Variants in PTPRA observed in about 807,000 individuals in gnomAD.
PTPRA encodes the protein receptor-type tyrosine-protein phosphatase alpha.
A neutral mutation model predicts 104.8 loss-of-function variants in PTPRA; 25 were observed. The ratio of observed to expected loss-of-function variants is 0.24; its 90% CI spans 0.17 to 0.33. The LOEUF (loss-of-function observed/expected upper bound fraction) is 0.33, where lower values mean the gene tolerates loss of function less well. Ranked by LOEUF, PTPRA falls within the 10% of genes least tolerant of loss-of-function variation. The pLI is 1.00. For synonymous variants in PTPRA, 323 were observed against 368.9 expected, an observed-to-expected ratio of 0.88 and a Z score of 1.43; for missense variants, 765 against 1,015.3, an observed-to-expected ratio of 0.75 and a Z score of 3.35.
intron 1 of PTPRA, among the ~76,000 whole-genome samples, chr20:2,882,760 G>T (rs1201998724): frequency 6.6e-6 from 1 of 152,110 alleles, no homozygotes; most frequent in African/African-American, 2.4e-5. Flanking sequence ...TAAATTAATG[G>T]AACAGCTGCT....
the PTPRA span, among the ~76,000 whole-genome samples, chr20:2,865,662 T>A: frequency 6.6e-6 from 1 of 152,304 alleles, no homozygotes; most frequent in Non-Finnish European, 1.5e-5. This position sits in a 1 kb window ranked among gnomAD's most constrained non-coding sequence, Gnocchi z 5.2. Flanking sequence ...TCATCTGCTG[T>A]GTTGGGTGCA....
chr20:2,951,860 G>T (rs2061364559), intron 3 of PTPRA, among the ~76,000 whole-genome samples: 1 of 152,120 alleles, frequency 6.6e-6, no homozygotes, highest in South Asian at 2.1e-4. Context: ...CTGTTTTAAG[G>T]CTGGGCGCGG....
At chr20:3,011,944 G>A (rs530997029) in intron 11 of PTPRA, among the ~76,000 whole-genome samples, 2 of 152,314 alleles carry the variant, frequency 1.3e-5, no homozygotes, top group African/African-American at 4.8e-5. Context: ...CTTGCCCAAA[G>A]ACCAGATTTC....
intron 5 of PTPRA, among the ~76,000 whole-genome samples, chr20:2,968,124 C>T (rs944517863): frequency 6.6e-6 from 1 of 152,150 alleles, no homozygotes; most frequent in Non-Finnish European, 1.5e-5. Context: ...TCCTTTTTGT[C>T]TTCTCATCAT....
In PTPRA at chr20:3,022,256, C is replaced by T; in HGVS notation, c.1328+36C>T. 1.2e-6 allele frequency: 2 copies of T among 1,607,300 alleles called. No homozygotes were observed. Among genetic ancestry groups the T allele is most frequent in the Non-Finnish European group, 1.7e-6 (2 of 1,175,400 alleles). ...CCTGACCCTTGTACCCCCACCCCCA[C>T]ATTTCGCCCCCATGGCCAGAGCAGG... On this transcript the variant is annotated intron_variant, in intron 15 of 23. Transcript: ENST00000399903. This position sits in a 1 kb window ranked among gnomAD's most constrained non-coding sequence, Gnocchi z 4.6.
intron 13 of PTPRA, among the ~76,000 whole-genome samples, chr20:3,018,232 TTTTG>T (rs1365968365): frequency 1.3e-5 from 2 of 152,050 alleles, no homozygotes; most frequent in South Asian, 2.1e-4. Flanking sequence ...TTTTGTTTTG[TTTTG>T]TTTTTTTATT....
chr20:2,870,287 G>C (rs1202415120), upstream of PTPRA, among the ~76,000 whole-genome samples: 1 of 152,070 alleles, frequency 6.6e-6, no homozygotes, highest in Admixed American at 6.5e-5. Context: ...AGAATCGCTT[G>C]AACCCGGGAG....
chr20:2,887,208 A>G (rs1321381694), intron 1 of PTPRA, among the ~76,000 whole-genome samples: 1 of 152,206 alleles, frequency 6.6e-6, no homozygotes, highest in Non-Finnish European at 1.5e-5. Context: ...TTACTATTTT[A>G]ATTGATGGAA....
intron 4 of PTPRA, 124 bp from the exon 5 acceptor site, chr20:2,964,737 G>C: frequency 1.2e-6 from 1 of 826,088 alleles, no homozygotes; most frequent in Non-Finnish European, 1.9e-6. Flanking sequence ...TGGTGTTGAG[G>C]GGGATTGGTC....
At chr20:2,951,688 C>A (rs2061359021) in intron 3 of PTPRA, among the ~76,000 whole-genome samples, 2 of 152,196 alleles carry the variant, frequency 1.3e-5, no homozygotes, top group African/African-American at 4.8e-5. Context: ...ATGTTTTCAT[C>A]CCATTCCATT....
In PTPRA at chr20:3,037,345, G is replaced by T; in HGVS notation, c.2334+56G>T. 6.3e-7 allele frequency: 1 copy of T among 1,599,532 alleles called. No individual in the cohort carries two copies. On this transcript the variant is annotated intron_variant, in intron 23 of 23. Coordinates refer to ENST00000399903, the MANE Select transcript of PTPRA (RefSeq NM_001385305.1). This position sits in a 1 kb window ranked among gnomAD's most constrained non-coding sequence, Gnocchi z 4.3. Reference sequence around the variant, plus strand: ...CACACCACCTGCAGCCCTTCTCTCAGGGAGGAGGCTCTTCAGAGGGGCCCA... The same window carrying T: ...CACACCACCTGCAGCCCTTCTCTCATGGAGGAGGCTCTTCAGAGGGGCCCA...
intron 1 of PTPRA, among the ~76,000 whole-genome samples, chr20:2,898,242 G>A (rs2147072305): frequency 6.6e-6 from 1 of 151,872 alleles, no homozygotes; most frequent in African/African-American, 2.4e-5. Context: ...ACCATGCCCG[G>A]CTAATTTTTT....
chr20:2,942,496 TTA>T (rs1159474890), intron 2 of PTPRA, among the ~76,000 whole-genome samples: 2 of 151,994 alleles, frequency 1.3e-5, no homozygotes, highest in Non-Finnish European at 2.9e-5. Flanking sequence ...TTATTAGGCT[TTA>T]TAATTTTTGT....
intron 1 of PTPRA, among the ~76,000 whole-genome samples, chr20:2,898,991 G>A (rs1424437646): frequency 6.6e-6 from 1 of 152,212 alleles, no homozygotes; most frequent in African/African-American, 2.4e-5. Flanking sequence ...TACTAGATAT[G>A]TTCTTTCTAT....
intron 5 of PTPRA, among the ~76,000 whole-genome samples, chr20:2,968,090 T>G (rs1379145833): frequency 6.6e-6 from 1 of 152,238 alleles, no homozygotes; most frequent in Admixed American, 6.5e-5. Flanking sequence ...CCCTTGCTGC[T>G]GCTTCCTGAC....
At chr20:2,978,344 T>C (rs745841878) in intron 6 of PTPRA, among the ~76,000 whole-genome samples, 4 of 152,180 alleles carry the variant, frequency 2.6e-5, no homozygotes, top group Non-Finnish European at 5.9e-5. Context: ...CCAATGAATA[T>C]TGCTGTTTTT....
At chr20:2,898,236 T>C (rs1292757754) in intron 1 of PTPRA, among the ~76,000 whole-genome samples, 3 of 151,844 alleles carry the variant, frequency 2.0e-5, no homozygotes, top group African/African-American at 4.8e-5. Context: ...TGCGCCACCA[T>C]GCCCGGCTAA....
chr20:3,021,234 C>T (rs1453446631), intron 13 of PTPRA, 75 bp from the exon 14 acceptor site: 2 of 1,596,174 alleles, frequency 1.3e-6, no homozygotes, highest in African/African-American at 1.3e-5. Flanking sequence ...TTTGTGGGCT[C>T]TTCCTTCCAG....
At position 3,026,759 on chromosome 20, in the gene PTPRA, C is replaced by A; in HGVS notation, c.1687C>A (p.Arg563Ser). Residue 563 changes from arginine to serine, a missense_variant, in exon 18 of 24, where the codon CGT becomes AGT. This residue lies in a region of PTPRA where 192 missense variants were observed against 227.0 expected (regional missense o/e 0.85). Transcript: ENST00000399903. The stretch of plus-strand genomic sequence containing the variant: ...CCTTCCAGCCAACATGAAGAAGAAC[C>A]GTGTTTTACAGATCATTCCATGTAA... ...GNLPANMKKNRVLQIIPYEFN... is the reference protein window; with the variant it reads ...GNLPANMKKNSVLQIIPYEFN... 6.2e-7 allele frequency: 1 copy of A among 1,611,752 alleles called. No individual in the cohort carries two copies. Among genetic ancestry groups the A allele is most frequent in the Non-Finnish European group, 8.5e-7 (1 of 1,178,036 alleles).
Sources: gnomAD v4.1 joint callset for allele counts (sites outside exome capture counted in the v4.1 genomes callset) on GRCh38, gnomAD v4.1.1 for gene constraint, gnomAD v4.1.1 regional missense constraint, Gnocchi (gnomAD v3.1) non-coding constraint, MANE v1.5 for transcripts, NCBI Gene and HGNC (gene_info 2026-07-23, HGNC 2026-07-21) for gene names.